PCDH7: variants seen among roughly 807,000 people sequenced by gnomAD.
The protein encoded by PCDH7 is protocadherin-7.
PCDH7 carries 17 observed loss-of-function variants against 58.9 expected under a neutral mutation model. The observed-to-expected ratio is 0.29, with a 90% CI of 0.20 to 0.43. PCDH7 has a LOEUF of 0.43. Ranked by LOEUF, PCDH7 falls within the 20% of genes least tolerant of loss-of-function variation. The probability of loss-of-function intolerance (pLI) is 1.00; values close to 1 mark genes in which losing one functional copy is unlikely to be tolerated. For synonymous variants in PCDH7, 664 were observed against 616.4 expected (o/e 1.08, Z -1.14); for missense variants, 1,274 against 1,441.0 (o/e 0.88, Z 1.88).
intron 3 of PCDH7, among the ~76,000 whole-genome samples, chr4:31,054,499 TAC>T (rs1213725372): frequency 6.6e-6 from 1 of 152,206 alleles, no homozygotes; most frequent in Non-Finnish European, 1.5e-5. Context: ...GTGTGAAAGA[TAC>T]CACTAGTTTC....
At chr4:30,994,715 A>C (rs1279546377) in intron 3 of PCDH7, among the ~76,000 whole-genome samples, 1 of 152,222 alleles carries the variant, frequency 6.6e-6, no homozygotes, top group Non-Finnish European at 1.5e-5. Flanking sequence ...CAAAGCATAT[A>C]AACTTTGAAA....
chr4:31,031,039 A>G (rs928219270), intron 3 of PCDH7, among the ~76,000 whole-genome samples: 2 of 152,194 alleles, frequency 1.3e-5, no homozygotes, highest in African/African-American at 2.4e-5. Flanking sequence ...GCACAAAAGT[A>G]CGTGTAATAT....
chr4:30,776,732 A>C (rs1722116234), intron 1 of PCDH7, among the ~76,000 whole-genome samples: 1 of 152,138 alleles, frequency 6.6e-6, no homozygotes, highest in South Asian at 2.1e-4. Context: ...AGGTCATAAG[A>C]TTTCACAAGA....
At chr4:31,024,254 A>G (rs1265018810) in intron 3 of PCDH7, among the ~76,000 whole-genome samples, 1 of 152,008 alleles carries the variant, frequency 6.6e-6, no homozygotes, top group African/African-American at 2.4e-5. Flanking sequence ...ACGTGAAAAA[A>G]CCTTCAGGGT....
intron 1 of PCDH7, among the ~76,000 whole-genome samples, chr4:30,789,357 A>T (rs1723819143): frequency 6.6e-6 from 1 of 152,192 alleles, no homozygotes; most frequent in African/African-American, 2.4e-5. Context: ...AGCCTGATTG[A>T]GTTCAGAAGA....
At chr4:30,784,422 A>T (rs1426552054) in intron 1 of PCDH7, among the ~76,000 whole-genome samples, 2 of 152,188 alleles carry the variant, frequency 1.3e-5, no homozygotes, top group African/African-American at 4.8e-5. Flanking sequence ...GCCTGTTCTT[A>T]TGTAGTTAAC....
intron 3 of PCDH7, among the ~76,000 whole-genome samples, chr4:31,104,647 A>G (rs1427773134): frequency 6.6e-6 from 1 of 152,154 alleles, no homozygotes; most frequent in Non-Finnish European, 1.5e-5. Flanking sequence ...TGTGCCTAAT[A>G]AGCTTTCTGT....
intron 3 of PCDH7, among the ~76,000 whole-genome samples, chr4:30,978,481 T>C (rs947588322): frequency 1.3e-5 from 2 of 152,182 alleles, no homozygotes; most frequent in Non-Finnish European, 2.9e-5. Flanking sequence ...TTTAATAATA[T>C]TTTTATATTG....
At chr4:30,945,595 T>A (rs547141473) in intron 2 of PCDH7, among the ~76,000 whole-genome samples, 51 of 152,294 alleles carry the variant, frequency 3.3e-4, no homozygotes, top group South Asian at 1.9e-3. Flanking sequence ...GCTTTTTTTT[T>A]AAACAAGTAT....
intron 2 of PCDH7, among the ~76,000 whole-genome samples, chr4:30,925,277 T>C (rs1300944249): frequency 6.6e-6 from 1 of 152,212 alleles, no homozygotes; most frequent in African/African-American, 2.4e-5. Flanking sequence ...GTAATGAGCA[T>C]AGAGACCAAA....
chr4:30,828,180 A>G (rs1434544611), intron 1 of PCDH7, among the ~76,000 whole-genome samples: 1 of 152,116 alleles, frequency 6.6e-6, no homozygotes, highest in Non-Finnish European at 1.5e-5. Flanking sequence ...TGAGAGGATA[A>G]AAGGAGTTGA....
intron 1 of PCDH7, among the ~76,000 whole-genome samples, chr4:30,861,468 A>G (rs528491972): frequency 6.6e-6 from 1 of 152,336 alleles, no homozygotes; most frequent in African/African-American, 2.4e-5. Context: ...ACAATAACAA[A>G]GAAATGACCT....
In PCDH7 at chr4:30,721,563, C is replaced by T; in HGVS notation, c.141C>T (p.Arg47=). ...CCGAGGAGGGCCCCGCCGACGTCCG[C>T]ATCGGCAACGTGGCTTCAGACCTGG... Residue 47 remains arginine (R), a synonymous_variant, in exon 1 of 2, where the codon CGC becomes CGT. Coordinates refer to ENST00000361762, the Ensembl canonical transcript of PCDH7. This position sits in a 1 kb window ranked among gnomAD's most constrained non-coding sequence, Gnocchi z 6.7. 4 of 1,606,204 alleles carry T rather than the reference C, an allele frequency of 2.5e-6. No individual in the cohort carries two copies. Among genetic ancestry groups the T allele is most frequent in the African/African-American group, 2.7e-5 (2 of 75,072 alleles).
chr4:30,830,315 A>G (rs1729609015), intron 1 of PCDH7, among the ~76,000 whole-genome samples: 1 of 152,098 alleles, frequency 6.6e-6, no homozygotes. Context: ...TATTCACATC[A>G]CATACATCTA....
At chr4:31,042,841 G>C (rs1407713609) in intron 3 of PCDH7, among the ~76,000 whole-genome samples, 1 of 152,000 alleles carries the variant, frequency 6.6e-6, no homozygotes, top group Non-Finnish European at 1.5e-5. Context: ...CTTGAGACTG[G>C]GTAATTTATA....
At chr4:31,091,730 A>G (rs1339943937) in intron 3 of PCDH7, among the ~76,000 whole-genome samples, 1 of 152,010 alleles carries the variant, frequency 6.6e-6, no homozygotes, top group Non-Finnish European at 1.5e-5. Flanking sequence ...CCAAAGCATA[A>G]TATGTAATTA....
intron 1 of PCDH7, among the ~76,000 whole-genome samples, chr4:30,838,713 C>T (rs1730832523): frequency 6.6e-6 from 1 of 151,772 alleles, no homozygotes; most frequent in South Asian, 2.1e-4. Flanking sequence ...CTATGCACAT[C>T]CTGGAAGTGG....
chr4:30,855,050 A>T (rs1405836391), intron 1 of PCDH7, among the ~76,000 whole-genome samples: 2 of 152,112 alleles, frequency 1.3e-5, no homozygotes, highest in African/African-American at 4.8e-5. Flanking sequence ...GGAGGAAAGC[A>T]TTTGCCTTCT....
chr4:30,972,729 T>C (rs1330546792), intron 3 of PCDH7, among the ~76,000 whole-genome samples: 1 of 152,206 alleles, frequency 6.6e-6, no homozygotes, highest in Non-Finnish European at 1.5e-5. Context: ...CTAAGCTTCA[T>C]ATCATCTAAC....
Sources: gnomAD v4.1 joint callset for allele counts (sites outside exome capture counted in the v4.1 genomes callset) on GRCh38, gnomAD v4.1.1 for gene constraint, Gnocchi (gnomAD v3.1) non-coding constraint, MANE v1.5 for transcripts, NCBI Gene and HGNC (gene_info 2026-07-23, HGNC 2026-07-21) for gene names.